The following RGL4 variants were observed in gnomAD, a reference collection of about 807,000 sequenced individuals.
RGL4 encodes the protein ral guanine nucleotide dissociation stimulator like 4, also known as ral-GDS-related protein.
In RGL4, 41 loss-of-function variants were observed where a neutral mutation model predicts 49.6. The observed-to-expected ratio is 0.83, with a 90% CI of 0.64 to 1.07. The LOEUF (loss-of-function observed/expected upper bound fraction) is 1.07. RGL4 is among the 50% of genes least tolerant of loss of function. The pLI is 0.00. For missense variants in RGL4, 610 were observed against 591.9 expected (o/e 1.03, Z -0.32); for synonymous variants, 255 against 238.0 (o/e 1.07, Z -0.66).
rs776764823 is a variant in RGL4, at chr22:23,692,369, G to A, written c.214G>A (p.Glu72Lys). The change falls in exon 2 of 11, where the codon GAA (glutamate) becomes AAA (lysine). Residue 72 changes from glutamate (E) to lysine (K), a missense_variant. Coordinates refer to ENST00000290691, the MANE Select transcript of RGL4 (RefSeq NM_153615.2). ...ITSILFNWPP[E>K]NTSVYYQPPQ... ...CTCCATTTTGTTCAACTGGCCCCCC[G>A]AAAACACTTCAGTTTACTATCAGCC... 1.1e-4 allele frequency: 170 copies of A among 1,614,012 alleles called. 2 individuals are homozygous for A. The highest frequency in any genetic ancestry group is 9.7e-5 in the Non-Finnish European group (114 of 1,180,004).
intron 6 of RGL4, chr22:23,696,278 T>C (rs1314429698): frequency 1.7e-5 from 21 of 1,234,928 alleles, no homozygotes; most frequent in Non-Finnish European, 2.2e-5. Context: ...AGAAATGAAG[T>C]TCAAGAAAAG....
chr22:23,691,791 T>C lies in RGL4; in HGVS notation c.-240T>C, dbSNP rs1009576527. ...AAGGAGCTCTGGGGCTCATACTTCT[T>C]ATAATTCCCACGAGAAGGCTGACAT... is the stretch of plus-strand genomic sequence containing the variant. On this transcript the variant is annotated 5_prime_UTR_variant, in exon 1 of 11. Transcript: ENST00000290691. 2.1e-6 allele frequency: 1 copy of C among 474,390 alleles called. No homozygotes were observed. Among genetic ancestry groups the C allele is most frequent in the Admixed American group, 3.2e-5 (1 of 30,912 alleles). 29.4% of individuals were successfully genotyped at this position (474,390 alleles called of 1,614,324 possible).
At chr22:23,698,174 C>T in intron 9 of RGL4, 38 bp from the exon 10 acceptor site, 1 of 1,580,516 alleles carries the variant, frequency 6.3e-7, no homozygotes, top group Non-Finnish European at 8.6e-7. Flanking sequence ...CAGCAACTTC[C>T]ACCCAGGCCC....
intron 3 of RGL4, chr22:23,693,297 C>T (rs570379852): frequency 4.1e-6 from 2 of 488,218 alleles, no homozygotes; most frequent in South Asian, 2.3e-5. Flanking sequence ...CCCAGCTGCT[C>T]AGGAGCCTCA....
chr22:23,691,943 G>T lies in RGL4; in HGVS notation c.-88G>T, dbSNP rs935861650. ...GAGACCCATCCCCCTCAGCACCGTGGCTTCCCAGCTCTCCCTGTCCTCCTC... is the reference window on the plus strand; with the variant it reads ...GAGACCCATCCCCCTCAGCACCGTGTCTTCCCAGCTCTCCCTGTCCTCCTC... On this transcript the variant is annotated 5_prime_UTR_variant, in exon 1 of 11. Transcript: ENST00000290691. The T allele has an allele frequency of 2.8e-6, 4 of 1,435,346 alleles. No homozygotes were observed. 88.9% of individuals were successfully genotyped at this position (1,435,346 alleles called of 1,614,324 possible).
Position 23,692,474 on chromosome 22 carries a change from G to T in RGL4, c.319G>T (p.Glu107Ter). The T allele has an allele frequency of 6.2e-7, 1 of 1,614,196 alleles. No homozygotes were observed. Among genetic ancestry groups the T allele is most frequent in the Non-Finnish European group, 8.5e-7 (1 of 1,180,036 alleles). ...WPGLGLEDHQ[E>*]IVLGQLVLPE... ...TGGACTGGGCTTGGAGGACCATCAG[G>T]AAATTGTCCTAGGCCAGTTGGTGCT... The change falls in exon 2 of 11, where the codon GAA (glutamate) becomes TAA (stop). Residue 107 changes from glutamate (E) to a stop codon, truncating the protein, a stop_gained. Transcript: ENST00000290691. LOFTEE classifies it high-confidence loss of function.
At position 23,692,517 on chromosome 22, in the gene RGL4, C is replaced by A; in HGVS notation, c.362C>A (p.Ala121Asp). The change falls in exon 2 of 11, where the codon GCC (alanine) becomes GAC (aspartate). Residue 121 changes from alanine to aspartate, a missense_variant. Coordinates refer to ENST00000290691, the MANE Select transcript of RGL4 (RefSeq NM_153615.2). ...TTGGTGCTTCCGGAGCCCAACGAGG[C>A]CAAGCCAGATGGTGAGGGGGCTTGC... ...GQLVLPEPNEAKPDDPAPRPG... is the reference protein window; with the variant it reads ...GQLVLPEPNEDKPDDPAPRPG... 2 of 1,613,518 alleles carry A rather than the reference C, an allele frequency of 1.2e-6. No homozygotes were observed. Among genetic ancestry groups the A allele is most frequent in the Non-Finnish European group, 1.7e-6 (2 of 1,179,534 alleles).
chr22:23,699,082 G>A lies in RGL4; in HGVS notation c.*199G>A. The A allele has an allele frequency of 1.3e-6, 2 of 1,539,944 alleles. No individual in the cohort carries two copies. The highest frequency in any genetic ancestry group is 1.7e-6 in the Non-Finnish European group (2 of 1,145,766). On this transcript the variant is annotated 3_prime_UTR_variant, in exon 11 of 11. Transcript: ENST00000290691. Reference sequence around the variant, plus strand: ...AGGCCATGGGACTTTTGTGAGTCAGGCGGGAGACCATTTTATGTTTATTTT... The same window carrying A: ...AGGCCATGGGACTTTTGTGAGTCAGACGGGAGACCATTTTATGTTTATTTT...
In RGL4 at chr22:23,697,838, G is replaced by C. The variant is rs151183975; in HGVS notation, c.1237G>C (p.Gly413Arg). 152 of 1,606,676 alleles carry C rather than the reference G, an allele frequency of 9.5e-5. No individual in the cohort carries two copies. Among genetic ancestry groups the C allele is most frequent in the Non-Finnish European group, 1.2e-4 (141 of 1,177,514 alleles). The part of the protein sequence containing the change: ...LDSAIPDDLD[G>R]NTNKRSKEVR... Reference sequence around the variant, plus strand: ...CTGATGGACTCTGTCTGCCTTCCAGGGCAACACCAACAAGAGGAGCAAGGT... The same window carrying C: ...CTGATGGACTCTGTCTGCCTTCCAGCGCAACACCAACAAGAGGAGCAAGGT... Residue 413 changes from glycine (G) to arginine (R), a missense_variant and splice_region_variant, in exon 9 of 11, where the codon GGC (glycine) becomes CGC (arginine). Gly to Arg is a moderately radical substitution (Grantham distance 125, BLOSUM62 -2). Coordinates refer to ENST00000290691, the MANE Select transcript of RGL4 (RefSeq NM_153615.2).
In RGL4 at chr22:23,691,231, G is replaced by A. The variant is rs1313494807; in HGVS notation, c.-800G>A. On this transcript the variant is annotated 5_prime_UTR_variant, in exon 1 of 11. The change abolishes an upstream ATG in the 5' untranslated region. Coordinates refer to ENST00000290691, the MANE Select transcript of RGL4 (RefSeq NM_153615.2). ...GCAGCTCTCAGCATTCTGCCTCAAT[G>A]GCCTGTATCACTCACTGTTTGGAAA... 1 of 152,194 alleles carries A rather than the reference G, an allele frequency of 6.6e-6. No individual in the cohort carries two copies. The highest frequency in any genetic ancestry group is 1.9e-4 in the East Asian group (1 of 5,196). 9.4% of individuals were successfully genotyped at this position (152,194 alleles called of 1,614,324 possible).
At chr22:23,698,677 C>A in intron 10 of RGL4, 167 bp from the exon 11 acceptor site, 1 of 907,994 alleles carries the variant, frequency 1.1e-6, no homozygotes. Flanking sequence ...CTAGAGGAGG[C>A]TCTCCCGTGG....
intron 9 of RGL4, 64 bp downstream of exon 9, chr22:23,697,925 G>A (rs1353481581): frequency 3.2e-6 from 5 of 1,552,292 alleles, no homozygotes; most frequent in African/African-American, 1.3e-5. Context: ...TCCACCCTGG[G>A]CAGGACACTC....
intron 3 of RGL4, 114 bp from the exon 4 acceptor site, chr22:23,693,644 AG>A: frequency 2.4e-6 from 2 of 839,504 alleles, no homozygotes; most frequent in East Asian, 5.2e-5. Context: ...TCTGAGCTCC[AG>A]CTTGGTTCCT....
At chr22:23,697,102 G>T in intron 7 of RGL4, 69 bp from the exon 8 acceptor site, 1 of 1,183,666 alleles carries the variant, frequency 8.4e-7, no homozygotes, top group Non-Finnish European at 1.2e-6. Flanking sequence ...ACAGGACCTT[G>T]GGCAGGCACC....
chr22:23,699,062 A>G lies in RGL4; in HGVS notation c.*179A>G, dbSNP rs767266463. ...TGCTCCTGCTGGCCAGGATCAGGCCATGGGACTTTTGTGAGTCAGGCGGGA... is the reference window on the plus strand; with the variant it reads ...TGCTCCTGCTGGCCAGGATCAGGCCGTGGGACTTTTGTGAGTCAGGCGGGA... On this transcript the variant is annotated 3_prime_UTR_variant, in exon 11 of 11. Transcript: ENST00000290691. 2 of 1,544,032 alleles carry G rather than the reference A, an allele frequency of 1.3e-6. No individual in the cohort carries two copies. The highest frequency in any genetic ancestry group is 2.7e-5 in the African/African-American group (2 of 73,002).
In RGL4 at chr22:23,691,778, G is replaced by A. The variant is rs1003807610; in HGVS notation, c.-253G>A. 4.5e-6 allele frequency: 2 copies of A among 448,822 alleles called. No homozygotes were observed. The highest frequency in any genetic ancestry group is 8.1e-6 in the Non-Finnish European group (2 of 246,320). The allele number at this position is 448,822 out of a possible 1,614,324, so 27.8% of individuals were successfully genotyped here. On this transcript the variant is annotated 5_prime_UTR_variant, in exon 1 of 11. Transcript: ENST00000290691. ...TGGGGAGAGACTAAAGGAGCTCTGG[G>A]GCTCATACTTCTTATAATTCCCACG...
At position 23,692,334 on chromosome 22, in the gene RGL4, GCACCAT is replaced by G; in HGVS notation, c.184_189del (p.Ile62_Thr63del). 3 of 1,613,914 alleles carry G rather than the reference GCACCAT, an allele frequency of 1.9e-6. No individual in the cohort carries two copies. The highest frequency in any genetic ancestry group is 2.5e-6 in the Non-Finnish European group (3 of 1,179,864). ...GACTCAGCTGTCTACTCCATCACCA[GCACCAT>G]CACCTCCATTTTGTTCAACTGGCCC... On this transcript the variant is annotated inframe_deletion and splice_region_variant, in exon 2 of 11. Transcript: ENST00000290691.
rs1923439951 is a variant in RGL4 at position 23,695,610 on chromosome 22, C to T, written c.1086+591C>T. On this transcript the variant is annotated intron_variant, in intron 6 of 10. Coordinates refer to ENST00000290691, the MANE Select transcript of RGL4 (RefSeq NM_153615.2). ...TGGGTACCAATGGGCATACTGGGGA[C>T]AGACGTAGCTGTTTGCTGGGACTCC... 6 of 358,284 alleles carry T rather than the reference C, an allele frequency of 1.7e-5. 1 individual carries two copies. 22.2% of individuals were successfully genotyped at this position (358,284 alleles called of 1,614,324 possible).
rs1923122462 is a variant in RGL4 at position 23,691,293 on chromosome 22, A to T, written c.-738A>T. ...ACCAAGTCTGCGATGGCACTGGTAAAGGATGTCTGAGATTCCTTCTGGCTG... is the reference window on the plus strand; with the variant it reads ...ACCAAGTCTGCGATGGCACTGGTAATGGATGTCTGAGATTCCTTCTGGCTG... On this transcript the variant is annotated 5_prime_UTR_variant, in exon 1 of 11. The change creates a new upstream start codon in the 5' untranslated region. Transcript: ENST00000290691. 1 of 152,172 alleles carries T rather than the reference A, an allele frequency of 6.6e-6. No individual in the cohort carries two copies. The highest frequency in any genetic ancestry group is 1.5e-5 in the Non-Finnish European group (1 of 68,048). 9.4% of individuals were successfully genotyped at this position (152,172 alleles called of 1,614,324 possible). A position where few individuals can be genotyped will look rare whatever the true frequency, so the allele number is the denominator to read the frequency against.
Sources: gnomAD v4.1 joint callset for allele counts on GRCh38, gnomAD v4.1.1 for gene constraint, MANE v1.5 for transcripts, NCBI Gene and HGNC (gene_info 2026-07-23, HGNC 2026-07-21) for gene names.